GLIS1: variants seen among roughly 807,000 people sequenced by gnomAD.
GLIS1 encodes GLIS family zinc finger 1.
In GLIS1, 24 loss-of-function variants were observed where a neutral mutation model predicts 63.8. That is an observed-to-expected ratio of 0.38 (90% CI 0.27 to 0.53). The LOEUF (loss-of-function observed/expected upper bound fraction) is 0.53, where lower values mean the gene tolerates loss of function less well. GLIS1 is among the 20% of genes least tolerant of loss of function. GLIS1 has a pLI of 0.85. For synonymous variants in GLIS1, 450 were observed against 482.5 expected, an observed-to-expected ratio of 0.93 and a Z score of 0.88; for missense variants, 1,036 against 1,074.1, an observed-to-expected ratio of 0.96 and a Z score of 0.50.
chr1:53,649,969 T>C (rs578150630), intron 2 of GLIS1, among the ~76,000 whole-genome samples: 24 of 152,286 alleles, frequency 1.6e-4, no homozygotes, highest in Middle Eastern at 3.4e-3. Context: ...CCCCAACCCC[T>C]GTGCTGTTCA....
At chr1:53,739,062 C>G (rs1190480711) in intron 1 of GLIS1, among the ~76,000 whole-genome samples, 43 bp downstream of exon 1, 1 of 152,092 alleles carries the variant, frequency 6.6e-6, no homozygotes, top group African/African-American at 2.4e-5. Flanking sequence ...TCTCGGGCCC[C>G]GCACACGCCC....
intron 2 of GLIS1, among the ~76,000 whole-genome samples, chr1:53,695,575 G>A (rs115638061): frequency 0.012 from 1,781 of 152,276 alleles, 29 homozygotes; most frequent in African/African-American, 0.041. Context: ...CCAGCACAGC[G>A]GAGGGCTCAG....
chr1:53,690,700 G>A (rs1015999433), intron 2 of GLIS1, among the ~76,000 whole-genome samples: 32 of 152,200 alleles, frequency 2.1e-4, no homozygotes, highest in African/African-American at 7.2e-4. Context: ...GACTCAGGAG[G>A]CAGGACATTT....
At chr1:53,660,086 G>C (rs1331701199) in intron 2 of GLIS1, among the ~76,000 whole-genome samples, 1 of 152,186 alleles carries the variant, frequency 6.6e-6, no homozygotes, top group African/African-American at 2.4e-5. Flanking sequence ...GTCTACTCTG[G>C]GCTTTCCCAG....
At chr1:53,555,764 T>C (rs1467072250) in intron 4 of GLIS1, among the ~76,000 whole-genome samples, 4 of 151,980 alleles carry the variant, frequency 2.6e-5, no homozygotes, top group Non-Finnish European at 5.9e-5. Context: ...CAGGTGTGTG[T>C]GTGCAGGTGT....
chr1:53,624,417 A>C (rs1210296300), intron 2 of GLIS1, among the ~76,000 whole-genome samples: 1 of 152,230 alleles, frequency 6.6e-6, no homozygotes, highest in Non-Finnish European at 1.5e-5. Context: ...TAAACTTAGA[A>C]CTAAAACCAT....
At chr1:53,659,184 AG>A (rs1264061544) in intron 2 of GLIS1, among the ~76,000 whole-genome samples, 1 of 152,156 alleles carries the variant, frequency 6.6e-6, no homozygotes, top group Non-Finnish European at 1.5e-5. Flanking sequence ...GAGGCCAGGA[AG>A]GGAAGGAAAC....
At chr1:53,685,942 C>G (rs1323516135) in intron 2 of GLIS1, among the ~76,000 whole-genome samples, 1 of 152,166 alleles carries the variant, frequency 6.6e-6, no homozygotes, top group South Asian at 2.1e-4. Flanking sequence ...ACCTCAGATT[C>G]TCCCCACTCC....
intron 2 of GLIS1, among the ~76,000 whole-genome samples, chr1:53,687,674 C>T (rs1406307757): frequency 6.6e-6 from 1 of 152,220 alleles, no homozygotes; most frequent in African/African-American, 2.4e-5. Context: ...CGCCGCCCAC[C>T]ACCCAGCCAG....
chr1:53,709,723 G>A (rs1646626335), intron 2 of GLIS1, among the ~76,000 whole-genome samples: 1 of 152,164 alleles, frequency 6.6e-6, no homozygotes, highest in Admixed American at 6.5e-5. Flanking sequence ...GAACCCCCCA[G>A]AGGCAGTTCC....
intron 2 of GLIS1, among the ~76,000 whole-genome samples, chr1:53,618,339 C>T (rs1207182955): frequency 6.6e-6 from 1 of 152,238 alleles, no homozygotes; most frequent in Non-Finnish European, 1.5e-5. Context: ...CCAGGAAAGA[C>T]TGCTAGAAAG....
chr1:53,515,052 C>T (rs538439653), intron 7 of GLIS1, among the ~76,000 whole-genome samples: 2 of 147,894 alleles, frequency 1.4e-5, no homozygotes, highest in South Asian at 2.2e-4. Flanking sequence ...CTGTCAGAGG[C>T]GTGGGGTGCT....
At chr1:53,653,199 T>C (rs1440522099) in intron 2 of GLIS1, among the ~76,000 whole-genome samples, 1 of 152,188 alleles carries the variant, frequency 6.6e-6, no homozygotes, top group East Asian at 1.9e-4. Context: ...GCTGGGGATA[T>C]TGCTTGGCAC....
rs1644280149 is a variant in GLIS1 at position 53,509,836 on chromosome 1, G to T, written c.2062+13C>A. On this transcript the variant is annotated intron_variant, in intron 9 of 10. Transcript: ENST00000628545. ...GGGGGGTTATACGGAGCGGGCCCCT[G>T]GCCAGAGCTTACCTTGTGGGCTGGG... The T allele has an allele frequency of 2.3e-6, 3 of 1,297,894 alleles. No individual in the cohort carries two copies. The highest frequency in any genetic ancestry group is 3.0e-5 in the African/African-American group (2 of 66,158). The allele number at this position is 1,297,894 out of a possible 1,614,324, so 80.4% of individuals were successfully genotyped here.
intron 2 of GLIS1, among the ~76,000 whole-genome samples, chr1:53,618,483 C>T (rs1209356157): frequency 2.0e-5 from 3 of 152,312 alleles, no homozygotes; most frequent in South Asian, 4.1e-4. Flanking sequence ...GAGGTGGAAA[C>T]TAATGAACAT....
intron 2 of GLIS1, among the ~76,000 whole-genome samples, chr1:53,631,938 CAG>C (rs532370342): frequency 1.8e-3 from 266 of 151,822 alleles, no homozygotes; most frequent in Middle Eastern, 6.8e-3. Flanking sequence ...AAAGGAGAGA[CAG>C]GGGAATAAAA....
intron 5 of GLIS1, among the ~76,000 whole-genome samples, chr1:53,527,883 C>T (rs1644487214): frequency 6.6e-6 from 1 of 152,232 alleles, no homozygotes; most frequent in Non-Finnish European, 1.5e-5. Context: ...TGGGCCTGGC[C>T]TGACCTAGAC....
At chr1:53,578,579 C>T (rs143104617) in intron 4 of GLIS1, among the ~76,000 whole-genome samples, 1 of 152,214 alleles carries the variant, frequency 6.6e-6, no homozygotes. Context: ...GGCTGGTCTG[C>T]TTCCTTTCCC....
chr1:53,696,330 T>C (rs1646464457), intron 2 of GLIS1, among the ~76,000 whole-genome samples: 2 of 152,206 alleles, frequency 1.3e-5, no homozygotes, highest in African/African-American at 2.4e-5. Flanking sequence ...TGCATCACTA[T>C]TCCCCACTTG....
Sources: allele counts gnomAD v4.1 joint callset (sites outside exome capture counted in the v4.1 genomes callset), GRCh38; gene constraint gnomAD v4.1.1; transcripts MANE v1.5; gene names NCBI Gene and HGNC (gene_info 2026-07-23, HGNC 2026-07-21).